IMMP2L: variants seen among roughly 807,000 people sequenced by gnomAD.
IMMP2L encodes inner mitochondrial membrane peptidase subunit 2.
Under a neutral mutation model 19.3 loss-of-function variants are expected in IMMP2L, and 18 were observed. The observed-to-expected ratio is 0.93, with a 90% confidence interval of 0.64 to 1.38. The LOEUF (loss-of-function observed/expected upper bound fraction) is 1.38. IMMP2L is among the 40% of genes most tolerant of loss of function. IMMP2L has a pLI of 0.00. For synonymous variants in IMMP2L, 76 were observed against 73.0 expected (o/e 1.04, Z -0.21); for missense variants, 233 against 218.2 (o/e 1.07, Z -0.43).
chr7:111,468,868 C>T (rs967977052), intron 3 of IMMP2L, among the ~76,000 whole-genome samples: 5 of 152,062 alleles, frequency 3.3e-5, no homozygotes, highest in African/African-American at 1.2e-4. Flanking sequence ...CTAACTTTGA[C>T]TTGTGACTAA....
intron 3 of IMMP2L, among the ~76,000 whole-genome samples, chr7:111,196,238 A>G (rs17441325): frequency 0.046 from 7,015 of 152,290 alleles, 216 homozygotes; most frequent in South Asian, 0.098. Flanking sequence ...ATCTCTTGGA[A>G]TAATGTGAAA....
intron 3 of IMMP2L, among the ~76,000 whole-genome samples, chr7:111,325,178 T>C (rs1454131128): frequency 6.6e-6 from 1 of 151,744 alleles, no homozygotes; most frequent in Non-Finnish European, 1.5e-5. Flanking sequence ...ATAATATATG[T>C]TTTCATAGCT....
At chr7:110,992,343 A>G (rs1269743635) in intron 3 of IMMP2L, among the ~76,000 whole-genome samples, 2 of 152,098 alleles carry the variant, frequency 1.3e-5, no homozygotes, top group African/African-American at 4.8e-5. Context: ...ACATTAAATA[A>G]CATGCTAAAT....
chr7:111,260,394 G>A (rs1375029548), intron 3 of IMMP2L, among the ~76,000 whole-genome samples: 4 of 152,094 alleles, frequency 2.6e-5, no homozygotes, highest in Non-Finnish European at 5.9e-5. Context: ...TCATTATGTG[G>A]CTCATGACTG....
intron 2 of IMMP2L, among the ~76,000 whole-genome samples, chr7:111,493,546 C>CA (rs567098579): frequency 0.011 from 1,609 of 145,562 alleles, 33 homozygotes; most frequent in African/African-American, 0.037. Flanking sequence ...ACCAAAAATG[C>CA]AAAAAAAAAT....
intron 5 of IMMP2L, among the ~76,000 whole-genome samples, chr7:110,852,435 C>T (rs186847746): frequency 2.5e-4 from 38 of 152,086 alleles, no homozygotes; most frequent in African/African-American, 9.2e-4. Context: ...AACATGATGG[C>T]CAGAATGGTA....
chr7:111,486,042 T>C (rs1158882975), intron 3 of IMMP2L, among the ~76,000 whole-genome samples: 2 of 152,122 alleles, frequency 1.3e-5, no homozygotes, highest in African/African-American at 4.8e-5. Context: ...TGGAAAAGGT[T>C]GTTTAGGAGG....
At chr7:111,521,054 A>C (rs1392907420) in intron 2 of IMMP2L, among the ~76,000 whole-genome samples, 2 of 152,142 alleles carry the variant, frequency 1.3e-5, no homozygotes, top group Non-Finnish European at 2.9e-5. Context: ...TTTCTTAAGA[A>C]TCTCCATTTA....
At chr7:111,400,454 C>A (rs1004099867) in intron 3 of IMMP2L, among the ~76,000 whole-genome samples, 1 of 152,094 alleles carries the variant, frequency 6.6e-6, no homozygotes, top group Non-Finnish European at 1.5e-5. Context: ...ACACACCCTG[C>A]TGCTACATCT....
At chr7:111,135,184 A>G (rs570693349) in intron 3 of IMMP2L, among the ~76,000 whole-genome samples, 1 of 152,240 alleles carries the variant, frequency 6.6e-6, no homozygotes, top group African/African-American at 2.4e-5. Flanking sequence ...ACACCATAAT[A>G]TCTATGAGAC....
In IMMP2L at chr7:111,313,462, C is replaced by T. The variant is rs544505710; in HGVS notation, c.239+173776G>A. 2.6e-5 allele frequency among the ~76,000 whole-genome samples: 4 copies of T among 152,172 alleles called. No homozygotes were observed. In the East Asian group the frequency reaches 7.7e-4, roughly 29 times the overall value. ...AATAATGGAAAAACAGAATGTGATG[C>T]ATTTTATCTTCTAACCATTTATAAA... On this transcript the variant is annotated intron_variant, in intron 3 of 5. Coordinates refer to ENST00000405709, the MANE Select transcript of IMMP2L (RefSeq NM_032549.4).
At chr7:111,026,575 G>A (rs17158262) in intron 3 of IMMP2L, among the ~76,000 whole-genome samples, 4,663 of 152,000 alleles carry the variant, frequency 0.031, 114 homozygotes, top group South Asian at 0.078. Context: ...TAAATAGCTC[G>A]GAAATTCCAA....
At chr7:111,193,906 A>C (rs1014423649) in intron 3 of IMMP2L, among the ~76,000 whole-genome samples, 1 of 152,064 alleles carries the variant, frequency 6.6e-6, no homozygotes, top group Non-Finnish European at 1.5e-5. Context: ...TCATCAATTG[A>C]CCTTACATCT....
At chr7:111,011,138 A>G (rs902353080) in intron 3 of IMMP2L, among the ~76,000 whole-genome samples, 3 of 152,120 alleles carry the variant, frequency 2.0e-5, no homozygotes, top group Non-Finnish European at 4.4e-5. Context: ...GATTATGGAA[A>G]GAAAAAAAGT....
chr7:110,852,330 A>C (rs968108159), intron 5 of IMMP2L, among the ~76,000 whole-genome samples: 2 of 152,020 alleles, frequency 1.3e-5, no homozygotes, highest in African/African-American at 4.8e-5. Flanking sequence ...CACACAAGAA[A>C]CATGAGGCCT....
intron 3 of IMMP2L, among the ~76,000 whole-genome samples, chr7:111,226,892 G>A (rs1292157820): frequency 6.6e-6 from 1 of 151,988 alleles, no homozygotes; most frequent in Non-Finnish European, 1.5e-5. Context: ...AATGGAGAGA[G>A]CTACATAGAA....
In IMMP2L at chr7:111,484,878, C is replaced by T. The variant is rs141946766; in HGVS notation, c.239+2360G>A. ...CACAGATTACTGCAGTCTCGACCTCCCAGGCTCAATCGATCTTCCTACCTC... is the reference window on the plus strand; with the variant it reads ...CACAGATTACTGCAGTCTCGACCTCTCAGGCTCAATCGATCTTCCTACCTC... On this transcript the variant is annotated intron_variant, in intron 3 of 5. Coordinates refer to ENST00000405709, the MANE Select transcript of IMMP2L (RefSeq NM_032549.4). Among the ~76,000 whole-genome samples the T allele has an allele frequency of 2.0e-3, 302 of 152,204 alleles. 3 individuals are homozygous for T. The highest frequency in any genetic ancestry group is 6.9e-3 in the Admixed American group (105 of 15,286).
chr7:110,896,047 C>T (rs1242759524), intron 4 of IMMP2L, among the ~76,000 whole-genome samples: 1 of 152,096 alleles, frequency 6.6e-6, no homozygotes, highest in Non-Finnish European at 1.5e-5. Context: ...CTCTTGAACT[C>T]CTAGCCTCTA....
chr7:110,877,481 G>A lies in IMMP2L; in HGVS notation c.408+9112C>T, dbSNP rs1297233569. ...GGTGGGCAGGCACAAGATAATGAAA[G>A]GGAGAAAAAAATGACAGCCTGTGCC... On this transcript the variant is annotated intron_variant, in intron 5 of 5. Coordinates refer to ENST00000405709, the MANE Select transcript of IMMP2L (RefSeq NM_032549.4). The surrounding 1 kb of genome is among the most constrained non-coding windows in gnomAD (Gnocchi z 4.0). Among the ~76,000 whole-genome samples, 2 of 152,038 alleles carry A rather than the reference G, an allele frequency of 1.3e-5. No homozygotes were observed. The highest frequency in any genetic ancestry group is 2.9e-5 in the Non-Finnish European group (2 of 68,010).
Sources: gnomAD v4.1 joint callset for allele counts (sites outside exome capture counted in the v4.1 genomes callset) on GRCh38, gnomAD v4.1.1 for gene constraint, Gnocchi (gnomAD v3.1) non-coding constraint, MANE v1.5 for transcripts, NCBI Gene and HGNC (gene_info 2026-07-23, HGNC 2026-07-21) for gene names.